The following DAB1 variants were observed in gnomAD, a reference collection of about 807,000 sequenced individuals.
DAB1 encodes the protein DAB adaptor protein 1.
DAB1 carries 15 observed loss-of-function variants against 64.6 expected under a neutral mutation model. The ratio of observed to expected loss-of-function variants is 0.23; its 90% confidence interval spans 0.16 to 0.36. The LOEUF is 0.36. Among genes scored for constraint, DAB1 ranks in the 10% least tolerant of loss-of-function variants. DAB1 has a pLI of 1.00. For synonymous variants in DAB1, 235 were observed against 251.9 expected, an observed-to-expected ratio of 0.93 and a Z score of 0.64; for missense variants, 596 against 706.7, an observed-to-expected ratio of 0.84 and a Z score of 1.78.
rs374182750 is a variant in DAB1, at chr1:58,058,787, T to C, written n.387+91724A>G. ...AAGTAAAATAAATGGAAATTGCATA[T>C]CTGTTCATGCTATGAAATCCTGGAG... On this transcript the variant is annotated intron_variant and non_coding_transcript_variant, in intron 5 of 20. Transcript: ENST00000485760. 2.7e-3 allele frequency among the ~76,000 whole-genome samples: 404 copies of C among 152,318 alleles called. 20 individuals carry two copies. The South Asian group carries it at 0.08, about 30-fold the overall frequency.
chr1:57,103,183 G>T (rs1175080058), intron 4 of DAB1, among the ~76,000 whole-genome samples: 1 of 152,196 alleles, frequency 6.6e-6, no homozygotes, highest in Non-Finnish European at 1.5e-5. Flanking sequence ...AAGGTCAGCT[G>T]GAGGGGGGCT....
intron 1 of DAB1, among the ~76,000 whole-genome samples, chr1:57,293,827 T>C (rs1403123372): frequency 6.6e-6 from 1 of 152,148 alleles, no homozygotes. Flanking sequence ...TTCTTCAACC[T>C]TATAAATCAC....
At chr1:57,067,722 A>T (rs1368903197) in intron 8 of DAB1, among the ~76,000 whole-genome samples, 1 of 152,196 alleles carries the variant, frequency 6.6e-6, no homozygotes, top group African/African-American at 2.4e-5. Context: ...CATTTTACAG[A>T]TGAGTAAACT....
intron 4 of DAB1, among the ~76,000 whole-genome samples, chr1:58,225,265 C>T (rs562387657): frequency 6.6e-5 from 10 of 152,070 alleles, no homozygotes; most frequent in East Asian, 1.9e-4. Context: ...CAATGAGATA[C>T]CATCTCACAC....
intron 2 of DAB1, among the ~76,000 whole-genome samples, chr1:57,179,699 T>A (rs1318371565): frequency 6.6e-6 from 1 of 152,138 alleles, no homozygotes; most frequent in East Asian, 1.9e-4. Flanking sequence ...TTGAAAGCCA[T>A]TGGGGAAACG....
At chr1:57,955,651 A>G (rs1645375056) in intron 5 of DAB1, among the ~76,000 whole-genome samples, 1 of 152,156 alleles carries the variant, frequency 6.6e-6, no homozygotes, top group Non-Finnish European at 1.5e-5. Context: ...GATACAGCCC[A>G]AATTAGCACA....
At chr1:57,447,669 T>C (rs12033702) in intron 7 of DAB1, among the ~76,000 whole-genome samples, 1 of 152,228 alleles carries the variant, frequency 6.6e-6, no homozygotes, top group Non-Finnish European at 1.5e-5. Context: ...AATCGTATAA[T>C]GGCGCCCTAG....
In DAB1 at chr1:56,996,687, G is replaced by T. The variant is rs753285419; in HGVS notation, c.*1457C>A. 6.6e-6 allele frequency: 1 copy of T among 152,292 alleles called. No homozygotes were observed. Among genetic ancestry groups the T allele is most frequent in the Non-Finnish European group, 1.5e-5 (1 of 68,016 alleles). The allele number at this position is 152,292 out of a possible 1,614,324, so 9.4% of individuals were successfully genotyped here. ...TGATGGAGTCACGTGCTCCCTTCCC[G>T]TTCACTAGCTGCTGATTGGCCAACT... is the stretch of plus-strand genomic sequence containing the variant. On this transcript the variant is annotated 3_prime_UTR_variant, in exon 15 of 15. Transcript: ENST00000371236.
intron 2 of DAB1, among the ~76,000 whole-genome samples, chr1:57,182,029 G>A (rs1044277999): frequency 2.6e-5 from 4 of 152,118 alleles, no homozygotes; most frequent in Admixed American, 6.6e-5. Context: ...GGGACTACAG[G>A]TGCATGCCAC....
At chr1:57,700,075 C>T (rs1646889913) in intron 6 of DAB1, among the ~76,000 whole-genome samples, 1 of 152,108 alleles carries the variant, frequency 6.6e-6, no homozygotes, top group Admixed American at 6.5e-5. Flanking sequence ...AACCAGTTTC[C>T]CACTTTATTT....
intron 2 of DAB1, among the ~76,000 whole-genome samples, chr1:57,203,001 T>A (rs768940023): frequency 5.9e-5 from 9 of 152,186 alleles, no homozygotes; most frequent in Non-Finnish European, 1.2e-4. Context: ...TAGTAACTCC[T>A]GAAAGGGGGT....
chr1:58,467,856 T>G (rs920233636), intron 3 of DAB1: 1 of 152,352 alleles, frequency 6.6e-6, no homozygotes, highest in African/African-American at 2.4e-5. Flanking sequence ...TTTTTCTTTT[T>G]CTCCCCAGTG....
At chr1:57,769,806 T>C (rs1649478581) in intron 6 of DAB1, among the ~76,000 whole-genome samples, 1 of 152,184 alleles carries the variant, frequency 6.6e-6, no homozygotes, top group Non-Finnish European at 1.5e-5. Context: ...TTTTGCTTCC[T>C]TGTTCATGTG....
chr1:57,890,519 A>G (rs1644296427), intron 5 of DAB1, among the ~76,000 whole-genome samples: 1 of 147,380 alleles, frequency 6.8e-6, no homozygotes, highest in African/African-American at 2.5e-5. Context: ...GCAGTGGCAC[A>G]ATCTTGGCTC....
chr1:57,000,600 C>T (rs17114777), intron 14 of DAB1, among the ~76,000 whole-genome samples: 3,922 of 152,282 alleles, frequency 0.026, 172 homozygotes, highest in African/African-American at 0.089. Context: ...TAAGGCTAAA[C>T]ATGTAACTTT....
chr1:57,672,994 T>C (rs988364913), intron 6 of DAB1, among the ~76,000 whole-genome samples: 5 of 152,154 alleles, frequency 3.3e-5, no homozygotes, highest in Admixed American at 3.3e-4. Flanking sequence ...AGGATATGTG[T>C]GTGTGTCATA....
chr1:57,532,215 T>C (rs1482148485), intron 7 of DAB1, among the ~76,000 whole-genome samples: 3 of 149,780 alleles, frequency 2.0e-5, no homozygotes, highest in Non-Finnish European at 4.4e-5. Flanking sequence ...AGGGACAGGG[T>C]TGGGGGAGGA....
At chr1:57,017,545 G>A (rs778242040) in intron 11 of DAB1, among the ~76,000 whole-genome samples, 5 of 152,104 alleles carry the variant, frequency 3.3e-5, no homozygotes, top group East Asian at 1.9e-4. Context: ...CATTTTCCTC[G>A]CAAGGTGCCC....
At chr1:57,339,388 C>G (rs554583866) in intron 1 of DAB1, among the ~76,000 whole-genome samples, 1 of 152,292 alleles carries the variant, frequency 6.6e-6, no homozygotes, top group Admixed American at 6.5e-5. Context: ...GATCTCCTGA[C>G]CTCGTGATCC....
Sources: allele counts gnomAD v4.1 joint callset (sites outside exome capture counted in the v4.1 genomes callset), GRCh38; gene constraint gnomAD v4.1.1; transcripts MANE v1.5; gene names NCBI Gene and HGNC (gene_info 2026-07-23, HGNC 2026-07-21).